The following CTBP2 variants were observed in gnomAD, a reference collection of about 807,000 sequenced individuals.
CTBP2 encodes C-terminal-binding protein 2.
In CTBP2, 30 loss-of-function variants were observed where a neutral mutation model predicts 80.3. That is an observed-to-expected ratio of 0.37 (90% CI 0.28 to 0.51). The LOEUF (loss-of-function observed/expected upper bound fraction) is 0.51. CTBP2 is among the 20% of genes least tolerant of loss of function. The pLI is 0.93. For synonymous variants in CTBP2, 594 were observed against 587.4 expected (o/e 1.01, Z -0.16); for missense variants, 1,212 against 1,375.3 (o/e 0.88, Z 1.88).
chr10:125,089,456 G>A (rs1245185710), intron 2 of CTBP2, among the ~76,000 whole-genome samples: 1 of 152,166 alleles, frequency 6.6e-6, no homozygotes, highest in Non-Finnish European at 1.5e-5. Context: ...TAGGGGAGGG[G>A]TCAACCTGGA....
chr10:125,006,246 A>C (rs1407692943), intron 1 of CTBP2, among the ~76,000 whole-genome samples: 1 of 152,018 alleles, frequency 6.6e-6, no homozygotes, highest in Non-Finnish European at 1.5e-5. Context: ...CAAGGCGGGA[A>C]AAGAGAAAAG....
At chr10:125,070,823 G>A (rs1288918265) in intron 2 of CTBP2, among the ~76,000 whole-genome samples, 4 of 128,554 alleles carry the variant, frequency 3.1e-5, no homozygotes, top group Non-Finnish European at 6.9e-5. Flanking sequence ...CTGCCGCCAC[G>A]CCCGGCTAAT....
chr10:125,105,797 A>G (rs1851362007), intron 2 of CTBP2, among the ~76,000 whole-genome samples: 1 of 152,264 alleles, frequency 6.6e-6, no homozygotes, highest in African/African-American at 2.4e-5. Context: ...TTCCTCTGCC[A>G]CTAATCACAC....
In CTBP2 at chr10:125,026,414, G is replaced by C. The variant is rs149440358; in HGVS notation, c.1346C>G (p.Ala449Gly). The stretch of plus-strand genomic sequence containing the variant: ...CAGGGGGTACGTGGGGCTCAGACGC[G>C]CTGTCAGGGCGCAAGGGGTGGGAGA... The change falls in exon 1 of 9, where the codon GCG (alanine) becomes GGG (glycine). Residue 449 changes from alanine to glycine, a missense_variant. By Grantham distance (60) the Ala-to-Gly change is moderately conservative. Coordinates refer to ENST00000309035, the MANE Select transcript of CTBP2 (RefSeq NM_022802.3). 1 of 1,606,910 alleles carries C rather than the reference G, an allele frequency of 6.2e-7. No individual in the cohort carries two copies. The highest frequency in any genetic ancestry group is 1.3e-5 in the African/African-American group (1 of 74,890).
rs77090416 is a variant in CTBP2, at chr10:125,098,736, G to A, written c.-102+12254C>T. The stretch of plus-strand genomic sequence containing the variant: ...AGAGAGAGAGAGACAGAGAGAGAGA[G>A]AGAGAGAGAGAGACAGAGAGAGAGA... On this transcript the variant is annotated intron_variant, in intron 2 of 10. Transcript: ENST00000337195. Among the ~76,000 whole-genome samples, 63 of 122,610 alleles carry A rather than the reference G, an allele frequency of 5.1e-4. 1 individual carries two copies. The highest frequency in any genetic ancestry group is 4.5e-3 in the Middle Eastern group (1 of 220). The allele number at this position is 122,610 out of a possible 152,430, so 80.4% of individuals were successfully genotyped here.
At chr10:125,100,803 G>C (rs1850501222) in intron 2 of CTBP2, 1 of 152,162 alleles carries the variant, frequency 6.6e-6, no homozygotes, top group Non-Finnish European at 1.5e-5. Context: ...TTTAGTGTAG[G>C]AAAGAGGAAG....
intron 1 of CTBP2, among the ~76,000 whole-genome samples, chr10:125,142,718 GC>G (rs1689469183): frequency 6.6e-6 from 1 of 152,106 alleles, no homozygotes; most frequent in African/African-American, 2.4e-5. Flanking sequence ...ATCCTCTGCG[GC>G]CCCCAAGAGC....
chr10:125,044,164 G>A (rs767510019), intron 2 of CTBP2, among the ~76,000 whole-genome samples: 7 of 152,164 alleles, frequency 4.6e-5, no homozygotes, highest in African/African-American at 1.7e-4. Context: ...GATCCCAAAC[G>A]ACAGGACTCA....
At chr10:125,056,062 G>C (rs1332249514) in intron 2 of CTBP2, among the ~76,000 whole-genome samples, 1 of 152,092 alleles carries the variant, frequency 6.6e-6, no homozygotes, top group Non-Finnish European at 1.5e-5. Flanking sequence ...CTACTCAGGA[G>C]GCTAAGGCAG....
intron 1 of CTBP2, among the ~76,000 whole-genome samples, chr10:125,134,361 G>A (rs1009313270): frequency 6.6e-6 from 1 of 152,148 alleles, no homozygotes; most frequent in Non-Finnish European, 1.5e-5. Flanking sequence ...GCTCAGCAGA[G>A]ACAACAGGGC....
intron 2 of CTBP2, among the ~76,000 whole-genome samples, chr10:125,109,260 CAGG>C (rs1851920429): frequency 6.6e-6 from 1 of 152,250 alleles, no homozygotes; most frequent in Non-Finnish European, 1.5e-5. Flanking sequence ...TGCTCCCAGG[CAGG>C]CAGGGCCTGG....
intron 2 of CTBP2, among the ~76,000 whole-genome samples, chr10:125,057,474 C>G (rs1428979664): frequency 1.3e-5 from 2 of 152,212 alleles, no homozygotes; most frequent in African/African-American, 4.8e-5. Flanking sequence ...TGGCAATTAG[C>G]TCTTTGTCCA....
At chr10:124,997,649 T>A in intron 4 of CTBP2, 1 of 431,784 alleles carries the variant, frequency 2.3e-6, no homozygotes, top group Non-Finnish European at 4.2e-6. Flanking sequence ...GCCCCTGCCC[T>A]TCACCCCTGC....
chr10:124,998,377 C>T (rs1465329237), intron 3 of CTBP2: 2 of 606,442 alleles, frequency 3.3e-6, no homozygotes, highest in African/African-American at 3.7e-5. Context: ...ATCTACCCCT[C>T]CCTCCCAAGG....
chr10:125,042,693 A>G (rs544808563), intron 2 of CTBP2, among the ~76,000 whole-genome samples: 57 of 152,116 alleles, frequency 3.7e-4, no homozygotes, highest in Middle Eastern at 6.8e-3. Context: ...ATATGCACAA[A>G]AACACTCGGT....
At position 124,998,190 on chromosome 10, in the gene CTBP2, G is replaced by A. The variant is rs570046902; in HGVS notation, c.1979-20C>T. On this transcript the variant is annotated intron_variant, in intron 3 of 8. Coordinates refer to ENST00000309035, the MANE Select transcript of CTBP2 (RefSeq NM_022802.3). ...CAATTCCTGAAAGGGATGAGGCCAA[G>A]GCCGGAGATGAGAAAACCTCAAGAT... 181 of 1,585,966 alleles carry A rather than the reference G, an allele frequency of 1.1e-4. 3 individuals are homozygous for A. In the South Asian group the frequency reaches 1.9e-3, roughly 17 times the overall value.
In CTBP2 at chr10:125,005,935, C is replaced by T. The variant is rs900687752; in HGVS notation, c.1679-2443G>A. The T allele has an allele frequency of 4.7e-6, 7 of 1,501,884 alleles. No individual in the cohort carries two copies. In the African/African-American group the frequency reaches 8.4e-5, roughly 18 times the overall value. The allele number at this position is 1,501,884 out of a possible 1,614,324, so 93.0% of individuals were successfully genotyped here. A position where few individuals can be genotyped will look rare whatever the true frequency, so the allele number is the denominator to read the frequency against. ...CAAGCTGTTCGTTAAATGGTAGCCACACAGGAAAACCACGCTGGGCGCAAG... is the reference window on the plus strand; with the variant it reads ...CAAGCTGTTCGTTAAATGGTAGCCATACAGGAAAACCACGCTGGGCGCAAG... On this transcript the variant is annotated intron_variant, in intron 1 of 8. Coordinates refer to ENST00000309035, the MANE Select transcript of CTBP2 (RefSeq NM_022802.3).
At chr10:125,129,334 C>G (rs1855775529) in intron 1 of CTBP2, among the ~76,000 whole-genome samples, 5 of 152,070 alleles carry the variant, frequency 3.3e-5, no homozygotes. Context: ...TGTGTTAGAA[C>G]TAACCAAATG....
At position 125,026,999 on chromosome 10, in the gene CTBP2, T is replaced by C; in HGVS notation, c.761A>G (p.Asn254Ser). 7 of 1,613,940 alleles carry C rather than the reference T, an allele frequency of 4.3e-6. No homozygotes were observed. Among genetic ancestry groups the C allele is most frequent in the Non-Finnish European group, 5.9e-6 (7 of 1,180,008 alleles). ...TTCCCGGGCAGGCCCGTAGCCACGA[T>C]TCAGGGCCCCTGGGGCCACCCCTGT... The change falls in exon 1 of 9, where the codon AAT becomes AGT. Residue 254 changes from asparagine to serine, a missense_variant. Asn to Ser is a conservative substitution (Grantham distance 46). Transcript: ENST00000309035.
Sources: allele counts gnomAD v4.1 joint callset (sites outside exome capture counted in the v4.1 genomes callset), GRCh38; gene constraint gnomAD v4.1.1; transcripts MANE v1.5; gene names NCBI Gene and HGNC (gene_info 2026-07-23, HGNC 2026-07-21).